Variants in BICRA observed in about 807,000 individuals in gnomAD.
The protein encoded by BICRA is BRD4 interacting chromatin remodeling complex associated protein, also known as BRD4-interacting chromatin-remodeling complex-associated protein.
BICRA carries 31 observed loss-of-function variants against 96.9 expected under a neutral mutation model. The observed-to-expected ratio is 0.32, with a 90% CI of 0.24 to 0.43. The LOEUF (loss-of-function observed/expected upper bound fraction) is 0.43, where lower values mean the gene tolerates loss of function less well. Among genes scored for constraint, BICRA ranks in the 20% least tolerant of loss-of-function variants. BICRA has a pLI of 1.00. For missense variants in BICRA, 2,283 were observed against 2,190.3 expected, an observed-to-expected ratio of 1.04 and a Z score of -0.84; for synonymous variants, 1,350 against 1,071.8, an observed-to-expected ratio of 1.26 and a Z score of -5.07.
intron 11 of BICRA, among the ~76,000 whole-genome samples, chr19:47,696,965 C>T (rs1279795670): frequency 6.6e-6 from 1 of 150,580 alleles, no homozygotes; most frequent in Non-Finnish European, 1.5e-5. Context: ...CCTGCCTGCC[C>T]TCTCTCCTGC....
chr19:47,633,315 A>C (rs1431873789), intron 1 of BICRA, among the ~76,000 whole-genome samples: 1 of 151,784 alleles, frequency 6.6e-6, no homozygotes, highest in Non-Finnish European at 1.5e-5. Flanking sequence ...CCTGACCTCA[A>C]GTGATCCGCC....
chr19:47,696,891 TG>T (rs527489244), intron 11 of BICRA, among the ~76,000 whole-genome samples: 41 of 143,106 alleles, frequency 2.9e-4, no homozygotes, highest in Non-Finnish European at 4.0e-4. Flanking sequence ...GGGAGGATGA[TG>T]GGGGGGGTGT....
At chr19:47,697,808 G>A (rs1252837340) in intron 11 of BICRA, among the ~76,000 whole-genome samples, 1 of 152,130 alleles carries the variant, frequency 6.6e-6, no homozygotes, top group East Asian at 1.9e-4. Context: ...AGTCTCAAGT[G>A]ATCCTCCCAC....
chr19:47,641,591 AT>A (rs564828128), intron 1 of BICRA, among the ~76,000 whole-genome samples: 133 of 152,260 alleles, frequency 8.7e-4, no homozygotes, highest in African/African-American at 3.0e-3. Flanking sequence ...TGGAGCTATG[AT>A]CATGCCACTG....
chr19:47,655,865 AT>A (rs1421034952), intron 1 of BICRA, among the ~76,000 whole-genome samples: 4 of 115,920 alleles, frequency 3.5e-5, no homozygotes, highest in South Asian at 3.0e-4. Context: ...CAAAAAAAAA[AT>A]AAAAATAAAA....
Position 47,680,149 on chromosome 19 carries a change from G to C in BICRA, c.979G>C (p.Val327Leu). Residue 327 changes from valine (V) to leucine (L), a missense_variant, in exon 6 of 15, where the codon GTG (valine) becomes CTG (leucine). Coordinates refer to ENST00000594866, the MANE Select transcript of BICRA (RefSeq NM_001394372.1). The stretch of plus-strand genomic sequence containing the variant: ...GACGCCCTCGGGACAGCCGCTGGCG[G>C]TGGCCCCAGGCCTCGGCTCGTCGCC... ...TGTPSGQPLA[V>L]APGLGSSPLV... 2.6e-6 allele frequency: 4 copies of C among 1,525,260 alleles called. No individual in the cohort carries two copies. Among genetic ancestry groups the C allele is most frequent in the Non-Finnish European group, 3.5e-6 (4 of 1,145,926 alleles). The allele number at this position is 1,525,260 out of a possible 1,614,324, so 94.5% of individuals were successfully genotyped here.
In BICRA at chr19:47,675,122, G is replaced by A. The variant is rs1051582037; in HGVS notation, c.85-729G>A. Among the ~76,000 whole-genome samples the A allele has an allele frequency of 6.6e-6, 1 of 152,152 alleles. No homozygotes were observed. Among genetic ancestry groups the A allele is most frequent in the Non-Finnish European group, 1.5e-5 (1 of 68,032 alleles). ...TGGACTCGATGTTGAGGGGGAGAGA[G>A]TGTCCACCATGGCTCCTGGATTTTG... On this transcript the variant is annotated intron_variant, in intron 4 of 14. Coordinates refer to ENST00000594866, the MANE Select transcript of BICRA (RefSeq NM_001394372.1). This position sits in a 1 kb window ranked among gnomAD's most constrained non-coding sequence, Gnocchi z 4.7.
At chr19:47,612,803 G>A (rs1971929058) in intron 1 of BICRA, among the ~76,000 whole-genome samples, 1 of 152,158 alleles carries the variant, frequency 6.6e-6, no homozygotes, top group Admixed American at 6.5e-5. Flanking sequence ...TGGGGGTTCC[G>A]TATTTGTCAA....
Position 47,698,808 on chromosome 19 carries a change from T to C in BICRA, c.3397+26T>C. On this transcript the variant is annotated intron_variant, in intron 12 of 14. Transcript: ENST00000594866. The surrounding 1 kb of genome is among the most constrained non-coding windows in gnomAD (Gnocchi z 4.8). Reference sequence around the variant, plus strand: ...GTGAGGCCTCCCCAGGACACGGCCCTATATGTCCCAGGGGACCCCAGCCCG... The same window carrying C: ...GTGAGGCCTCCCCAGGACACGGCCCCATATGTCCCAGGGGACCCCAGCCCG... 1.3e-6 allele frequency: 2 copies of C among 1,566,908 alleles called. No individual in the cohort carries two copies. Among genetic ancestry groups the C allele is most frequent in the Non-Finnish European group, 1.7e-6 (2 of 1,151,190 alleles).
Position 47,679,685 on chromosome 19 carries a change from C to T in BICRA, c.515C>T (p.Pro172Leu), listed in dbSNP as rs1599846930. The T allele has an allele frequency of 6.6e-6, 10 of 1,524,866 alleles. No individual in the cohort carries two copies. The highest frequency in any genetic ancestry group is 2.1e-5 in the Admixed American group (1 of 47,898). The allele number at this position is 1,524,866 out of a possible 1,614,324, so 94.5% of individuals were successfully genotyped here. Reference sequence around the variant, plus strand: ...ACCGACCTGCTGGGGCTGCAGGGCCCGCCTACCGTGCTGACCCACCAGGCC... The same window carrying T: ...ACCGACCTGCTGGGGCTGCAGGGCCTGCCTACCGTGCTGACCCACCAGGCC... ...GSTDLLGLQG[P>L]PTVLTHQALV... The change falls in exon 6 of 15, where the codon CCG (proline) becomes CTG (leucine). Residue 172 changes from proline to leucine, a missense_variant. Pro to Leu is a moderately conservative substitution (Grantham distance 98, BLOSUM62 -3). Transcript: ENST00000594866.
At chr19:47,695,543 C>A in intron 10 of BICRA, 69 bp downstream of exon 10, 1 of 743,440 alleles carries the variant, frequency 1.3e-6, no homozygotes. Context: ...CTGGGGCTGG[C>A]AGGGGCAGGG....
At chr19:47,609,373 CTCCT>C (rs1340678367) in intron 1 of BICRA, among the ~76,000 whole-genome samples, 1 of 92,536 alleles carries the variant, frequency 1.1e-5, no homozygotes, top group African/African-American at 4.4e-5. Context: ...CGCCCGCTGC[CTCCT>C]TTTTTTTTTT....
chr19:47,702,777 CCTGT>C lies in BICRA; in HGVS notation c.*365_*368del. On this transcript the variant is annotated 3_prime_UTR_variant, in exon 15 of 15. Coordinates refer to ENST00000594866, the MANE Select transcript of BICRA (RefSeq NM_001394372.1). ...CGGGTTGATGCCAACGCTCCGGGTG[CCTGT>C]CTTGTCTGTGTGGCTTCTCAGATGG... 1 of 284,340 alleles carries C rather than the reference CCTGT, an allele frequency of 3.5e-6. No homozygotes were observed. The highest frequency in any genetic ancestry group is 6.5e-6 in the Non-Finnish European group (1 of 152,928). 17.6% of individuals were successfully genotyped at this position (284,340 alleles called of 1,614,324 possible).
In BICRA at chr19:47,673,741, C is replaced by T; in HGVS notation, c.63C>T (p.Asp21=). ...CCAGTGACCCACAGGCCCTCAATGA[C>T]TTCTTGCATGGATCCGAGAAGGTAA... is the stretch of plus-strand genomic sequence containing the variant. ...DVICDPQALN[D]FLHGSEKLDS... Residue 21 remains aspartate (D), a synonymous_variant, in exon 4 of 15, where the codon GAC becomes GAT. Coordinates refer to ENST00000594866, the MANE Select transcript of BICRA (RefSeq NM_001394372.1). 1.2e-6 allele frequency: 2 copies of T among 1,612,860 alleles called. No individual in the cohort carries two copies. Among genetic ancestry groups the T allele is most frequent in the East Asian group, 2.2e-5 (1 of 44,770 alleles).
rs564183458 is a variant in BICRA, at chr19:47,688,012, C to A, written c.2283+5860C>A. Among the ~76,000 whole-genome samples the A allele has an allele frequency of 1.4e-4, 21 of 152,204 alleles. No individual in the cohort carries two copies. In the South Asian group the frequency reaches 4.4e-3, roughly 32 times the overall value. ...ACTTGGTCCTGCAGCTTTACTGACACACGAGATTAGCAGCTGGCCTGTTCT... is the reference window on the plus strand; with the variant it reads ...ACTTGGTCCTGCAGCTTTACTGACAAACGAGATTAGCAGCTGGCCTGTTCT... On this transcript the variant is annotated intron_variant, in intron 7 of 14. Coordinates refer to ENST00000594866, the MANE Select transcript of BICRA (RefSeq NM_001394372.1).
intron 2 of BICRA, among the ~76,000 whole-genome samples, chr19:47,672,474 T>C (rs912111336): frequency 9.2e-5 from 14 of 151,596 alleles, no homozygotes; most frequent in African/African-American, 2.9e-4. Flanking sequence ...AGGAGACTGA[T>C]GGCTAGAGGG....
rs575185535 is a variant in BICRA, at chr19:47,648,573, C to T, written c.-107-21870C>T. On this transcript the variant is annotated intron_variant, in intron 1 of 14. Coordinates refer to ENST00000594866, the MANE Select transcript of BICRA (RefSeq NM_001394372.1). ...GACTACAGACGGCCCTGGTGACACT[C>T]GAGAAAAGGAAGGGCATGGCTGGGA... 6.0e-5 allele frequency among the ~76,000 whole-genome samples: 9 copies of T among 151,074 alleles called. No homozygotes were observed. In the East Asian group the frequency reaches 1.6e-3, roughly 26 times the overall value.
intron 1 of BICRA, among the ~76,000 whole-genome samples, chr19:47,631,857 C>T (rs910375839): frequency 7.9e-5 from 12 of 152,136 alleles, no homozygotes; most frequent in Non-Finnish European, 5.9e-5. Context: ...CCATATTGGC[C>T]AGGCTGGTCT....
At chr19:47,625,808 T>G (rs1981709575) in intron 1 of BICRA, among the ~76,000 whole-genome samples, 1 of 151,374 alleles carries the variant, frequency 6.6e-6, no homozygotes, top group Admixed American at 6.6e-5. Flanking sequence ...GAGGCCAGCA[T>G]GGATGGGCTG....
Sources: allele counts gnomAD v4.1 joint callset (sites outside exome capture counted in the v4.1 genomes callset), GRCh38; gene constraint gnomAD v4.1.1; non-coding constraint Gnocchi (gnomAD v3.1); transcripts MANE v1.5; gene names NCBI Gene and HGNC (gene_info 2026-07-23, HGNC 2026-07-21).